Variants in KSR2 observed in about 807,000 individuals in gnomAD.
KSR2 encodes kinase suppressor of ras 2.
KSR2 carries 25 observed loss-of-function variants against 107.8 expected under a neutral mutation model. That is an observed-to-expected ratio of 0.23 (90% CI 0.17 to 0.32). The LOEUF (loss-of-function observed/expected upper bound fraction) is 0.32. KSR2 is among the 10% of genes least tolerant of loss of function. KSR2 has a pLI of 1.00. For missense variants in KSR2, 887 were observed against 1,268.9 expected, an observed-to-expected ratio of 0.70 and a Z score of 4.57; for synonymous variants, 480 against 507.0, an observed-to-expected ratio of 0.95 and a Z score of 0.71.
At chr12:117,606,697 T>C (rs1881297771) in intron 5 of KSR2, among the ~76,000 whole-genome samples, 1 of 140,444 alleles carries the variant, frequency 7.1e-6, no homozygotes, top group Non-Finnish European at 1.5e-5. Flanking sequence ...CCTCCCTTCC[T>C]TTCTTCCTCC....
At chr12:117,502,515 G>A (rs1217158420) in intron 14 of KSR2, among the ~76,000 whole-genome samples, 1 of 152,102 alleles carries the variant, frequency 6.6e-6, no homozygotes, top group African/African-American at 2.4e-5. Flanking sequence ...GGGTAGTGGG[G>A]AATGACTGGT....
rs539095159 is a variant in KSR2 at position 117,466,945 on chromosome 12, G to A, written c.*254C>T. 76 of 435,250 alleles carry A rather than the reference G, an allele frequency of 1.7e-4. No homozygotes were observed. In the Middle Eastern group the frequency reaches 3.4e-3, roughly 20 times the overall value. The allele number at this position is 435,250 out of a possible 1,614,324, so 27.0% of individuals were successfully genotyped here. ...TCTCATTAGTGCTGTCCCCTGGGCCGCACTGATCAATAACGCATCACCCTG... is the reference window on the plus strand; with the variant it reads ...TCTCATTAGTGCTGTCCCCTGGGCCACACTGATCAATAACGCATCACCCTG... On this transcript the variant is annotated 3_prime_UTR_variant, in exon 20 of 20. Transcript: ENST00000339824.
intron 10 of KSR2, among the ~76,000 whole-genome samples, chr12:117,536,133 C>G (rs533587895): frequency 7.2e-5 from 11 of 152,082 alleles, no homozygotes; most frequent in African/African-American, 9.7e-5. Flanking sequence ...GCTGGTCAAC[C>G]CCCCCAGCCC....
At chr12:117,966,659 T>C (rs1896804250) in intron 1 of KSR2, among the ~76,000 whole-genome samples, 2 of 147,140 alleles carry the variant, frequency 1.4e-5, no homozygotes, top group Non-Finnish European at 3.0e-5. Context: ...GCTGTCTCTC[T>C]CTTTCTCTCT....
rs1289901388 is a variant in KSR2 at position 117,871,849 on chromosome 12, G to A, written c.181-11418C>T. Reference sequence around the variant, plus strand: ...ATATGGATTTTTTTTAAGAGAGGGGGTCTTGGTATGTTGCCCAGGCTGGTC... The same window carrying A: ...ATATGGATTTTTTTTAAGAGAGGGGATCTTGGTATGTTGCCCAGGCTGGTC... On this transcript the variant is annotated intron_variant, in intron 1 of 19. Transcript: ENST00000339824. Among the ~76,000 whole-genome samples the A allele has an allele frequency of 2.0e-5, 3 of 151,904 alleles. No individual in the cohort carries two copies. The East Asian group carries it at 5.8e-4, about 29-fold the overall frequency.
At chr12:117,674,481 G>C in intron 4 of KSR2, 1 of 448,564 alleles carries the variant, frequency 2.2e-6, no homozygotes, top group Non-Finnish European at 4.5e-6. Context: ...ACTTCAAAAG[G>C]AAATCCCTTA....
intron 3 of KSR2, among the ~76,000 whole-genome samples, chr12:117,839,446 A>G (rs1892374039): frequency 6.6e-6 from 1 of 152,200 alleles, no homozygotes; most frequent in Admixed American, 6.5e-5. Context: ...ACTGGGGAAT[A>G]CAAAAGTCCC....
Position 117,761,245 on chromosome 12 carries a change from G to A in KSR2, c.752C>T (p.Ser251Leu), listed in dbSNP as rs753630866. The part of the protein sequence containing the change: ...LESGHRSLPP[S>L]PRQRHAVRTP... Reference sequence around the variant, plus strand: ...GCGGACCGCGTGCCGCTGCCGGGGCGATGGGGGCAGGGAACGGTGGCCCGA... The same window carrying A: ...GCGGACCGCGTGCCGCTGCCGGGGCAATGGGGGCAGGGAACGGTGGCCCGA... Residue 251 changes from serine to leucine, a missense_variant, in exon 4 of 20, where the codon TCG becomes TTG. Physicochemically the swap from Ser to Leu is moderately radical, Grantham distance 145. Transcript: ENST00000339824. 1.3e-6 allele frequency: 2 copies of A among 1,540,216 alleles called. No individual in the cohort carries two copies. The highest frequency in any genetic ancestry group is 1.7e-6 in the Non-Finnish European group (2 of 1,145,142).
intron 9 of KSR2, among the ~76,000 whole-genome samples, chr12:117,545,919 C>T (rs1876836031): frequency 6.6e-6 from 1 of 152,150 alleles, no homozygotes; most frequent in Non-Finnish European, 1.5e-5. Context: ...TTACCCTCCT[C>T]CTTTAATAAT....
At chr12:117,550,381 C>T (rs4767562) in intron 9 of KSR2, among the ~76,000 whole-genome samples, 115,249 of 152,140 alleles carry the variant, frequency 0.76, 43,954 homozygotes, top group Admixed American at 0.83. Flanking sequence ...ATGGTCATTG[C>T]TCTCCCATGG....
rs570623966 is a variant in KSR2 at position 117,466,845 on chromosome 12, G to A, written c.*354C>T. 4.7e-5 allele frequency: 13 copies of A among 274,906 alleles called. No homozygotes were observed. The highest frequency in any genetic ancestry group is 1.2e-4 in the East Asian group (2 of 16,424). 17.0% of individuals were successfully genotyped at this position (274,906 alleles called of 1,614,324 possible). A position where few individuals can be genotyped will look rare whatever the true frequency, so the allele number is the denominator to read the frequency against. On this transcript the variant is annotated 3_prime_UTR_variant, in exon 20 of 20. Coordinates refer to ENST00000339824, the MANE Select transcript of KSR2 (RefSeq NM_173598.6). ...CACAGACACACACACACATAGCCCC[G>A]TCTGTGAGCCCCCCCACGTGGGGTC...
At position 117,703,074 on chromosome 12, in the gene KSR2, G is replaced by C. The variant is rs140561843; in HGVS notation, c.987-35416C>G. ...TTGGAAAAGCCCACCCAAGAAACGA[G>C]GGGGAACAGAAGAAAGCCAGGATCA... is the stretch of plus-strand genomic sequence containing the variant. On this transcript the variant is annotated intron_variant, in intron 4 of 19. Transcript: ENST00000339824. Among the ~76,000 whole-genome samples the C allele has an allele frequency of 4.9e-3, 749 of 152,256 alleles. 6 individuals are homozygous for C. Among genetic ancestry groups the C allele is most frequent in the African/African-American group, 0.016 (679 of 41,542 alleles).
intron 5 of KSR2, among the ~76,000 whole-genome samples, chr12:117,586,780 C>A (rs1395544331): frequency 6.6e-6 from 1 of 152,070 alleles, no homozygotes; most frequent in Non-Finnish European, 1.5e-5. Flanking sequence ...ACACACATAG[C>A]GTATCAGCCA....
chr12:117,848,317 C>A (rs920092267), intron 3 of KSR2, among the ~76,000 whole-genome samples: 1 of 152,208 alleles, frequency 6.6e-6, no homozygotes, highest in Admixed American at 6.5e-5. Context: ...TAGGAAGGGA[C>A]CCTGCTGTCC....
At chr12:117,947,196 AAAAGAAAGAAAAGAAAG>A (rs869100422) in intron 1 of KSR2, among the ~76,000 whole-genome samples, 1 of 89,278 alleles carries the variant, frequency 1.1e-5, no homozygotes, top group East Asian at 3.2e-4. Context: ...GAAAAGAAAG[AAAAGAAAGAAAAGAAAG>A]AAAGAAAGAA....
chr12:117,555,056 C>T (rs553851229), intron 9 of KSR2, 113 bp downstream of exon 9: 53 of 1,295,634 alleles, frequency 4.1e-5, no homozygotes, highest in Admixed American at 2.5e-4. Flanking sequence ...TTAGGGGAGC[C>T]GAGACGGGCT....
At chr12:117,529,105 G>A (rs1875429795) in intron 12 of KSR2, among the ~76,000 whole-genome samples, 1 of 152,186 alleles carries the variant, frequency 6.6e-6, no homozygotes, top group Admixed American at 6.5e-5. Flanking sequence ...AGCAGTTAGG[G>A]GACCCAGAAG....
intron 5 of KSR2, among the ~76,000 whole-genome samples, chr12:117,639,112 T>C (rs1883241181): frequency 6.6e-6 from 1 of 152,020 alleles, no homozygotes; most frequent in Admixed American, 6.6e-5. Flanking sequence ...TTTTTGAAAA[T>C]ATTGTATTAA....
intron 1 of KSR2, among the ~76,000 whole-genome samples, chr12:117,876,377 C>G (rs774035293): frequency 2.0e-5 from 3 of 152,210 alleles, no homozygotes; most frequent in Non-Finnish European, 2.9e-5. Context: ...GAACCGGATC[C>G]CTGAGGCCAG....
Sources: allele counts gnomAD v4.1 joint callset (sites outside exome capture counted in the v4.1 genomes callset), GRCh38; gene constraint gnomAD v4.1.1; transcripts MANE v1.5; gene names NCBI Gene and HGNC (gene_info 2026-07-23, HGNC 2026-07-21).